Variants in DCAF1 observed in about 807,000 individuals in gnomAD.
DCAF1 encodes DDB1- and CUL4-associated factor 1.
Under a neutral mutation model 128.0 loss-of-function variants are expected in DCAF1, and 15 were observed. That is an observed-to-expected ratio of 0.12 (90% CI 0.08 to 0.18). DCAF1 has a LOEUF of 0.18. Ranked by LOEUF, DCAF1 falls within the 10% of genes least tolerant of loss-of-function variation. The probability of loss-of-function intolerance (pLI) is 1.00; values close to 1 mark genes in which losing one functional copy is unlikely to be tolerated. For missense variants in DCAF1, 988 were observed against 1,649.5 expected, an observed-to-expected ratio of 0.60 and a Z score of 6.95; for synonymous variants, 610 against 603.0, an observed-to-expected ratio of 1.01 and a Z score of -0.17.
intron 9 of DCAF1, chr3:51,440,297 C>A: frequency 2.8e-6 from 1 of 356,048 alleles, no homozygotes; most frequent in South Asian, 2.1e-5. Context: ...CTAAAACACA[C>A]AGGCACATCT....
intron 3 of DCAF1, among the ~76,000 whole-genome samples, chr3:51,476,370 G>A (rs1705444505): frequency 6.6e-6 from 1 of 150,866 alleles, no homozygotes. Context: ...CAGCCTGGGT[G>A]CGAGTGAGAC....
chr3:51,479,135 A>G (rs1553651752), intron 3 of DCAF1, among the ~76,000 whole-genome samples: 3 of 152,154 alleles, frequency 2.0e-5, no homozygotes, highest in Non-Finnish European at 4.4e-5. Flanking sequence ...TTATTAAATA[A>G]AATTATATAC....
intron 6 of DCAF1, among the ~76,000 whole-genome samples, chr3:51,451,066 A>ATTATTTTTT (rs1559527264): frequency 3.1e-5 from 1 of 32,760 alleles, no homozygotes; most frequent in Non-Finnish European, 6.8e-5. Flanking sequence ...TAAAAAGGAA[A>ATTATTTTTT]TTCTTTTTTT....
At chr3:51,459,428 CA>C (rs1553643883) in intron 6 of DCAF1, among the ~76,000 whole-genome samples, 1 of 151,986 alleles carries the variant, frequency 6.6e-6, no homozygotes, top group Non-Finnish European at 1.5e-5. Flanking sequence ...GCTTACCAAC[CA>C]AAAAAAGTCC....
chr3:51,489,185 G>A (rs1707331138), intron 2 of DCAF1, among the ~76,000 whole-genome samples: 1 of 152,146 alleles, frequency 6.6e-6, no homozygotes, highest in Non-Finnish European at 1.5e-5. Flanking sequence ...TGTAATCCCG[G>A]CGCTTTGGGA....
At chr3:51,414,883 GA>G in intron 18 of DCAF1, 26 bp from the exon 19 acceptor site, 1 of 1,598,664 alleles carries the variant, frequency 6.3e-7, no homozygotes, top group Non-Finnish European at 8.5e-7. Flanking sequence ...GATGGGAAGA[GA>G]AAAATCAGAC....
chr3:51,455,276 C>G (rs1238714527), intron 6 of DCAF1, among the ~76,000 whole-genome samples: 1 of 152,148 alleles, frequency 6.6e-6, no homozygotes. Flanking sequence ...GAAGATCACT[C>G]ATCAAGAGTA....
chr3:51,453,210 T>C (rs1702531921), intron 6 of DCAF1, among the ~76,000 whole-genome samples: 1 of 152,202 alleles, frequency 6.6e-6, no homozygotes, highest in Non-Finnish European at 1.5e-5. Context: ...ATAACGTTAA[T>C]CACAACGTTA....
chr3:51,410,928 C>A (rs1435272579), intron 23 of DCAF1, among the ~76,000 whole-genome samples: 1 of 152,068 alleles, frequency 6.6e-6, no homozygotes, highest in Non-Finnish European at 1.5e-5. Context: ...GAGGCTGAGG[C>A]GGGTGGATCA....
chr3:51,433,342 C>G (rs1284619361), intron 9 of DCAF1, 78 bp from the exon 10 acceptor site: 2 of 397,564 alleles, frequency 5.0e-6, no homozygotes, highest in Non-Finnish European at 8.9e-6. Flanking sequence ...TTCAGTTAAG[C>G]TGTTAAATAC....
chr3:51,492,304 A>G (rs1707749278), intron 2 of DCAF1, among the ~76,000 whole-genome samples: 1 of 152,066 alleles, frequency 6.6e-6, no homozygotes, highest in South Asian at 2.1e-4. Context: ...ATCTGAGGTC[A>G]GGAGTTTGAG....
Position 51,398,580 on chromosome 3 carries a change from T to G in DCAF1, c.*189A>C. 1 of 657,932 alleles carries G rather than the reference T, an allele frequency of 1.5e-6. No individual in the cohort carries two copies. The highest frequency in any genetic ancestry group is 2.8e-5 in the East Asian group (1 of 35,712). The allele number at this position is 657,932 out of a possible 1,614,324, so 40.8% of individuals were successfully genotyped here. The stretch of plus-strand genomic sequence containing the variant: ...GGCCTAGTCCCTGTTGTCATTTTTG[T>G]GGTGGTTATTGATTCTGGAAGGACC... On this transcript the variant is annotated 3_prime_UTR_variant, in exon 25 of 25. Transcript: ENST00000684031.
intron 23 of DCAF1, among the ~76,000 whole-genome samples, chr3:51,411,738 T>C (rs546348826): frequency 1.4e-4 from 22 of 152,262 alleles, no homozygotes; most frequent in Non-Finnish European, 2.2e-4. Flanking sequence ...AGCAAAGTGA[T>C]TGTTCTGTTT....
In DCAF1 at chr3:51,414,842, T is replaced by A. The variant is rs1553629774; in HGVS notation, c.3619A>T (p.Thr1207Ser). 6.2e-6 allele frequency: 10 copies of A among 1,613,866 alleles called. No individual in the cohort carries two copies. Among genetic ancestry groups the A allele is most frequent in the Middle Eastern group, 1.6e-4 (1 of 6,062 alleles). Residue 1207 changes from threonine to serine, a missense_variant, in exon 19 of 25, where the codon ACT becomes TCT. This residue lies in a region of DCAF1 where 61 missense variants were observed against 78.3 expected (regional missense o/e 0.78). Transcript: ENST00000684031. Reference protein sequence around the residue: ...GDIAHIYDIQTGNKLLTLFNP... With the variant: ...GDIAHIYDIQSGNKLLTLFNP... ...AACAGAGTCAACAGCTTGTTGCCAG[T>A]CTGAATATCATAAATCTTTAGAGAA...
chr3:51,485,899 T>A (rs1473953969), intron 2 of DCAF1, among the ~76,000 whole-genome samples: 33 of 151,570 alleles, frequency 2.2e-4, no homozygotes, highest in African/African-American at 6.3e-4. Context: ...TTTTTTTTTT[T>A]TTTTTTTTTT....
Position 51,420,031 on chromosome 3 carries a change from T to C in DCAF1, c.2939A>G (p.Asp980Gly), listed in dbSNP as rs1553631833. ...RKIRVLRQKS[D>G]HGAYSQSPAI... ...TGGGCTTTGGCTGTAGGCACCATGG[T>C]CCGACTTCTGCCGCAACACTCTGAT... Residue 980 changes from aspartate to glycine, a missense_variant, in exon 15 of 25, where the codon GAC becomes GGC. Around this residue, in one of 11 missense-constraint regions of DCAF1, gnomAD observed 105 missense variants for 266.7 expected, o/e 0.39. Transcript: ENST00000684031. The surrounding 1 kb of genome is among the most constrained non-coding windows in gnomAD (Gnocchi z 6.5). The C allele has an allele frequency of 1.2e-6, 2 of 1,613,994 alleles. No individual in the cohort carries two copies. Among genetic ancestry groups the C allele is most frequent in the Non-Finnish European group, 1.7e-6 (2 of 1,179,894 alleles).
intron 6 of DCAF1, among the ~76,000 whole-genome samples, chr3:51,455,594 G>GT (rs1702809218): frequency 6.6e-6 from 1 of 151,262 alleles, no homozygotes; most frequent in Non-Finnish European, 1.5e-5. Flanking sequence ...GGGCAACAGA[G>GT]TAAGACCCCA....
chr3:51,418,189 A>G lies in DCAF1; in HGVS notation c.3445T>C (p.Leu1149=). 6.2e-7 allele frequency: 1 copy of G among 1,611,106 alleles called. No homozygotes were observed. The highest frequency in any genetic ancestry group is 8.5e-7 in the Non-Finnish European group (1 of 1,178,646). The part of the protein sequence containing the change: ...THLEPSRDGS[L]LLTSATWSQP... The stretch of plus-strand genomic sequence containing the variant: ...CTCCAAGTAGCAGATGTCAGCAGCA[A>G]GGACCCATCCTAAAAGAAAAAGGCG... The change falls in exon 17 of 25, where the codon TTG becomes CTG. Residue 1149 remains leucine (L), a synonymous_variant. Coordinates refer to ENST00000684031, the MANE Select transcript of DCAF1 (RefSeq NM_001387579.1).
At chr3:51,419,545 T>C (rs1306268021) in intron 15 of DCAF1, among the ~76,000 whole-genome samples, 189 bp downstream of exon 15, 1 of 152,180 alleles carries the variant, frequency 6.6e-6, no homozygotes, top group Admixed American at 6.5e-5. Context: ...CAAACGATTA[T>C]ATCAATATAC....
Sources: allele counts gnomAD v4.1 joint callset (sites outside exome capture counted in the v4.1 genomes callset), GRCh38; gene constraint gnomAD v4.1.1; regional missense constraint gnomAD v4.1.1; non-coding constraint Gnocchi (gnomAD v3.1); transcripts MANE v1.5; gene names NCBI Gene and HGNC (gene_info 2026-07-23, HGNC 2026-07-21).